Variants in DACH2 observed in about 807,000 individuals in gnomAD.
DACH2 encodes the protein dachshund homolog 2.
Under a neutral mutation model 35.8 loss-of-function variants are expected in DACH2, and 17 were observed. That is an observed-to-expected ratio of 0.48 (90% CI 0.33 to 0.71). The LOEUF (loss-of-function observed/expected upper bound fraction) is 0.71. Ranked by LOEUF, DACH2 falls within the 30% of genes least tolerant of loss-of-function variation. The pLI is 0.02. For synonymous variants in DACH2, 195 were observed against 177.3 expected, an observed-to-expected ratio of 1.10 and a Z score of -0.79; for missense variants, 469 against 472.7, an observed-to-expected ratio of 0.99 and a Z score of 0.07.
At chrX:86,452,004 A>G (rs1424118870) in intron 2 of DACH2, among the ~76,000 whole-genome samples, 1 of 111,773 alleles carries the variant, frequency 8.9e-6, no homozygotes, top group Non-Finnish European at 1.9e-5. Flanking sequence ...ATGTTCCTTC[A>G]TTATATAGTT....
chrX:86,805,255 AGGCTTAT>A (rs1409481671), intron 7 of DACH2, among the ~76,000 whole-genome samples: 1 of 112,746 alleles, frequency 8.9e-6, no homozygotes, highest in African/African-American at 3.2e-5. Context: ...AAAGCGGCCA[AGGCTTAT>A]GGCTTTTTCC....
chrX:86,823,545 A>G (rs1428534412), intron 11 of DACH2, among the ~76,000 whole-genome samples: 4 of 111,978 alleles, frequency 3.6e-5, no homozygotes, highest in African/African-American at 6.5e-5. Context: ...CAACATTTCC[A>G]CCAATTACTT....
intron 5 of DACH2, among the ~76,000 whole-genome samples, chrX:86,698,519 GTGTTTTTTT>G (rs1433380273): frequency 1.6e-4 from 5 of 32,082 alleles, no homozygotes; most frequent in Admixed American, 4.1e-4. Context: ...TGTTAGTTTT[GTGTTTTTTT>G]TTTTTTTTTT....
At chrX:86,607,595 A>T (rs1386292212) in intron 3 of DACH2, among the ~76,000 whole-genome samples, 4 of 108,765 alleles carry the variant, frequency 3.7e-5, no homozygotes, top group South Asian at 3.9e-4. Context: ...ATTGTTTTTT[A>T]TTATTATTAT....
intron 2 of DACH2, among the ~76,000 whole-genome samples, chrX:86,509,955 G>A (rs1264005052): frequency 2.7e-5 from 3 of 111,533 alleles, no homozygotes; most frequent in Non-Finnish European, 5.7e-5. Context: ...GTTTTTACAA[G>A]TTGCTGCTAA....
At chrX:86,229,061 T>A (rs2032891189) in intron 1 of DACH2, among the ~76,000 whole-genome samples, 1 of 111,599 alleles carries the variant, frequency 9.0e-6, no homozygotes. Context: ...CTAGAGGGTT[T>A]TTTTCTGATT....
At chrX:86,161,915 TCTTC>T (rs2030773038) in intron 1 of DACH2, among the ~76,000 whole-genome samples, 1 of 111,768 alleles carries the variant, frequency 8.9e-6, no homozygotes, top group Non-Finnish European at 1.9e-5. Flanking sequence ...CTTTTATTAT[TCTTC>T]CTTGTTTTAA....
At position 86,762,927 on chromosome X, in the gene DACH2, A is replaced by G. The variant is rs765399331; in HGVS notation, c.1240+23045A>G. ...CTTATTCCTTCTATTTTTTGTACGC[A>G]TTAACCATCCCCACATCACCCCCAA... On this transcript the variant is annotated intron_variant, in intron 7 of 11. Coordinates refer to ENST00000373125, the MANE Select transcript of DACH2 (RefSeq NM_053281.3). Among the ~76,000 whole-genome samples, 18 of 111,721 alleles carry G rather than the reference A, an allele frequency of 1.6e-4. No individual in the cohort carries two copies. The South Asian group carries it at 6.7e-3, about 41-fold the overall frequency.
chrX:86,723,200 A>G (rs1391852921), intron 6 of DACH2, among the ~76,000 whole-genome samples: 1 of 110,627 alleles, frequency 9.0e-6, no homozygotes, highest in Non-Finnish European at 1.9e-5. Flanking sequence ...TTTTATTTGT[A>G]TCTTTTGTTA....
At position 86,355,630 on chromosome X, in the gene DACH2, A is replaced by G. The variant is rs187843577; in HGVS notation, c.489-21194A>G. Among the ~76,000 whole-genome samples, 672 of 111,622 alleles carry G rather than the reference A, an allele frequency of 6.0e-3. 2 individuals are homozygous for G. The highest frequency in any genetic ancestry group is 8.7e-3 in the Non-Finnish European group (463 of 53,125). ...CTGCTGCCTCCACCTCCTGGGCTCA[A>G]GCAATCCTCCTACATCAGCCCTAAA... On this transcript the variant is annotated intron_variant, in intron 1 of 11. Coordinates refer to ENST00000373125, the MANE Select transcript of DACH2 (RefSeq NM_053281.3).
At chrX:86,803,836 A>G (rs1485853377) in intron 7 of DACH2, among the ~76,000 whole-genome samples, 1 of 111,188 alleles carries the variant, frequency 9.0e-6, no homozygotes. Flanking sequence ...AATTGTCTCA[A>G]TGAGGTAGAA....
intron 11 of DACH2, among the ~76,000 whole-genome samples, chrX:86,825,613 A>T (rs1022047555): frequency 3.6e-5 from 4 of 111,616 alleles, no homozygotes; most frequent in Admixed American, 9.5e-5. Flanking sequence ...CCATATGTAC[A>T]TGTGGAGTGG....
At chrX:86,699,346 G>A (rs1278671008) in intron 5 of DACH2, among the ~76,000 whole-genome samples, 1 of 112,161 alleles carries the variant, frequency 8.9e-6, no homozygotes, top group Non-Finnish European at 1.9e-5. Flanking sequence ...CCAAGGCTGG[G>A]CAATTTACAA....
intron 3 of DACH2, among the ~76,000 whole-genome samples, chrX:86,625,208 TAGTGTGTG>T (rs2040120314): frequency 3.9e-5 from 3 of 76,202 alleles, no homozygotes; most frequent in Admixed American, 3.3e-4. Flanking sequence ...AAAACCTTCT[TAGTGTGTG>T]TGTGTGTGTG....
chrX:86,341,654 C>A (rs1419522904), intron 1 of DACH2, among the ~76,000 whole-genome samples: 2 of 111,977 alleles, frequency 1.8e-5, no homozygotes, highest in Non-Finnish European at 3.8e-5. Flanking sequence ...TCTGATGGAT[C>A]TGGAAAAAGC....
chrX:86,397,110 C>T (rs1177264716), intron 2 of DACH2, among the ~76,000 whole-genome samples: 1 of 109,924 alleles, frequency 9.1e-6, no homozygotes, highest in African/African-American at 3.3e-5. Flanking sequence ...CTTCACATCC[C>T]TTGTAAGTTG....
At position 86,264,333 on chromosome X, in the gene DACH2, T is replaced by C. The variant is rs1438901250; in HGVS notation, c.489-112491T>C. On this transcript the variant is annotated intron_variant, in intron 1 of 11. Transcript: ENST00000373125. Reference sequence around the variant, plus strand: ...TTTCATGTACATTTAGTAGCTTGAATTGCTCTTTTCTGGCGGCTGTCAGAG... The same window carrying C: ...TTTCATGTACATTTAGTAGCTTGAACTGCTCTTTTCTGGCGGCTGTCAGAG... 7.1e-5 allele frequency among the ~76,000 whole-genome samples: 8 copies of C among 112,195 alleles called. No homozygotes were observed. The East Asian group carries it at 2.0e-3, about 27-fold the overall frequency.
chrX:86,656,033 C>CG (rs1052610358), intron 4 of DACH2, among the ~76,000 whole-genome samples: 3 of 97,939 alleles, frequency 3.1e-5, no homozygotes, highest in Non-Finnish European at 6.2e-5. Context: ...TAAAGCTCCC[C>CG]CCCCCCACTA....
At chrX:86,692,361 C>T (rs903515559) in intron 4 of DACH2, among the ~76,000 whole-genome samples, 1 of 110,765 alleles carries the variant, frequency 9.0e-6, no homozygotes. Context: ...CTACCCCTCC[C>T]CCCTCCACCC....
Sources: allele counts gnomAD v4.1 joint callset (sites outside exome capture counted in the v4.1 genomes callset), GRCh38; gene constraint gnomAD v4.1.1; transcripts MANE v1.5; gene names NCBI Gene and HGNC (gene_info 2026-07-23, HGNC 2026-07-21).